The following VPS13D variants were observed in gnomAD, a reference collection of about 807,000 sequenced individuals.
VPS13D encodes vacuolar protein sorting 13 homolog D.
A neutral mutation model predicts 461.9 loss-of-function variants in VPS13D; 187 were observed. The ratio of observed to expected loss-of-function variants is 0.40; its 90% CI spans 0.36 to 0.46. VPS13D has a LOEUF of 0.46. Among genes scored for constraint, VPS13D ranks in the 20% least tolerant of loss-of-function variants. The pLI, the probability that VPS13D is intolerant of heterozygous loss-of-function variation, is 0.60. For missense variants in VPS13D, 4,711 were observed against 5,364.9 expected (o/e 0.88, Z 3.81); for synonymous variants, 1,951 against 1,986.3 (o/e 0.98, Z 0.47).
At position 12,306,907 on chromosome 1, in the gene VPS13D, A is replaced by G. The variant is rs570480068; in HGVS notation, c.6440-1524A>G. Among the ~76,000 whole-genome samples, 129 of 152,296 alleles carry G rather than the reference A, an allele frequency of 8.5e-4. 2 individuals are homozygous for G. The highest frequency in any genetic ancestry group is 3.0e-3 in the African/African-American group (125 of 41,568). On this transcript the variant is annotated intron_variant, in intron 26 of 69. Transcript: ENST00000620676. The stretch of plus-strand genomic sequence containing the variant: ...CAATGAAAATCTAATCCCACCGCTG[A>G]TCTGACAGTAGGCAGAGCTCAGGTG...
intron 39 of VPS13D, 151 bp from the exon 40 acceptor site, chr1:12,338,080 G>A: frequency 1.5e-6 from 1 of 651,516 alleles, no homozygotes; most frequent in South Asian, 1.9e-5. Context: ...CATTCGTAGT[G>A]CTTAGTAATC....
At chr1:12,302,832 C>CG (rs1310977485) in intron 25 of VPS13D, among the ~76,000 whole-genome samples, 2 of 121,134 alleles carry the variant, frequency 1.7e-5, no homozygotes, top group African/African-American at 6.1e-5. Flanking sequence ...AAAAGAATTC[C>CG]TTTTTTTTTT....
rs973732495 is a variant in VPS13D at position 12,258,212 on chromosome 1, G to C, written c.1110+109G>C. Reference sequence around the variant, plus strand: ...GAAGTAATAAAGTCCCATGCCAAAGGGGCTAAATTTTATAGGATAGAGTTG... The same window carrying C: ...GAAGTAATAAAGTCCCATGCCAAAGCGGCTAAATTTTATAGGATAGAGTTG... On this transcript the variant is annotated intron_variant, in intron 10 of 69. Transcript: ENST00000620676. 10 of 1,360,550 alleles carry C rather than the reference G, an allele frequency of 7.3e-6. No homozygotes were observed. The African/African-American group carries it at 1.3e-4, about 18-fold the overall frequency. The allele number at this position is 1,360,550 out of a possible 1,614,324, so 84.3% of individuals were successfully genotyped here.
intron 35 of VPS13D, among the ~76,000 whole-genome samples, chr1:12,325,968 CTTGAT>C (rs1429467906): frequency 7.1e-6 from 1 of 140,080 alleles, no homozygotes; most frequent in Non-Finnish European, 1.5e-5. Flanking sequence ...AGGCTCTTTA[CTTGAT>C]TTCTTTTTTT....
chr1:12,283,978 A>G (rs1031566042), intron 21 of VPS13D, among the ~76,000 whole-genome samples: 3 of 152,198 alleles, frequency 2.0e-5, no homozygotes, highest in African/African-American at 4.8e-5. Flanking sequence ...TTTGAGCTCT[A>G]TAATTCAGTG....
intron 10 of VPS13D, among the ~76,000 whole-genome samples, chr1:12,258,688 G>A (rs1245851779): frequency 6.6e-6 from 1 of 152,224 alleles, no homozygotes; most frequent in Non-Finnish European, 1.5e-5. Flanking sequence ...AGGTATTGGG[G>A]ATTGCTTTGC....
At chr1:12,437,373 A>G (rs1645075631) in intron 65 of VPS13D, among the ~76,000 whole-genome samples, 1 of 152,202 alleles carries the variant, frequency 6.6e-6, no homozygotes, top group Non-Finnish European at 1.5e-5. Context: ...GGACGAAAGG[A>G]GGGAGGGGGG....
At chr1:12,234,441 C>T in intron 2 of VPS13D, 78 bp downstream of exon 2, 1 of 1,205,740 alleles carries the variant, frequency 8.3e-7, no homozygotes, top group African/African-American at 1.5e-5. Flanking sequence ...TCCTGAGAAT[C>T]ATAAAACCTA....
intron 23 of VPS13D, among the ~76,000 whole-genome samples, chr1:12,293,088 A>G (rs571188975): frequency 6.6e-6 from 1 of 152,364 alleles, no homozygotes; most frequent in Non-Finnish European, 1.5e-5. Flanking sequence ...GACTAAGTAA[A>G]AAGATGTCTT....
rs915499110 is a variant in VPS13D, at chr1:12,276,167, G to A, written c.2579G>A (p.Arg860His). The change falls in exon 19 of 70, where the codon CGT becomes CAT. Residue 860 changes from arginine (R) to histidine (H), a missense_variant. By Grantham distance (29) the Arg-to-His change is conservative. Transcript: ENST00000620676. The surrounding 1 kb of genome is among the most constrained non-coding windows in gnomAD (Gnocchi z 4.5). ...EKFNVHLQLE[R>H]RLIYTSDPKY... ...TTCAACGTTCACCTACAGTTAGAGC[G>A]TCGATTGATTTATACTTCAGATCCC... The A allele has an allele frequency of 5.0e-6, 8 of 1,614,154 alleles. No individual in the cohort carries two copies. The highest frequency in any genetic ancestry group is 4.0e-5 in the African/African-American group (3 of 75,036).
At chr1:12,428,124 G>A (rs1644945026) in intron 65 of VPS13D, among the ~76,000 whole-genome samples, 1 of 152,212 alleles carries the variant, frequency 6.6e-6, no homozygotes, top group African/African-American at 2.4e-5. Context: ...TGTTGGGGAT[G>A]AGGGAGAATC....
At chr1:12,420,858 G>C (rs1644853945) in intron 65 of VPS13D, among the ~76,000 whole-genome samples, 1 of 152,174 alleles carries the variant, frequency 6.6e-6, no homozygotes, top group Non-Finnish European at 1.5e-5. Flanking sequence ...GAAACCCAGT[G>C]AGGAGTTAAA....
chr1:12,390,996 G>T (rs1644418411), intron 60 of VPS13D, among the ~76,000 whole-genome samples: 1 of 152,192 alleles, frequency 6.6e-6, no homozygotes, highest in Non-Finnish European at 1.5e-5. Context: ...AGTATCTTCA[G>T]TTTTTGACCA....
At chr1:12,374,927 G>A (rs995996065) in intron 55 of VPS13D, among the ~76,000 whole-genome samples, 4 of 152,110 alleles carry the variant, frequency 2.6e-5, no homozygotes, top group Non-Finnish European at 5.9e-5. Flanking sequence ...TAGTAGAGAC[G>A]GGGTTTCGCC....
chr1:12,249,388 A>T lies in VPS13D; in HGVS notation c.564+49A>T, dbSNP rs774541156. The T allele has an allele frequency of 2.0e-6, 3 of 1,478,918 alleles. No individual in the cohort carries two copies. The African/African-American group carries it at 4.2e-5, about 21-fold the overall frequency. The allele number at this position is 1,478,918 out of a possible 1,614,324, so 91.6% of individuals were successfully genotyped here. ...AGCAGGAAGAAAGCCATGCTCTAGGAATCTGGGGCTCTGCCTTTTGCCATT... is the reference window on the plus strand; with the variant it reads ...AGCAGGAAGAAAGCCATGCTCTAGGTATCTGGGGCTCTGCCTTTTGCCATT... On this transcript the variant is annotated intron_variant, in intron 6 of 69. Transcript: ENST00000620676.
At position 12,403,952 on chromosome 1, in the gene VPS13D, C is replaced by G; in HGVS notation, c.12009C>G (p.Asn4003Lys). ...TCAAGCTAAGTGTGTTCACCTCCAA[C>G]AAGCTCCCATTGGATCTTAAGGTGA... ...PQIKLSVFTSNKLPLDLKALK... is the reference protein window; with the variant it reads ...PQIKLSVFTSKKLPLDLKALK... The change falls in exon 63 of 70, where the codon AAC (asparagine) becomes AAG (lysine). Residue 4003 changes from asparagine to lysine, a missense_variant. Asn to Lys is a moderately conservative substitution (Grantham distance 94). Coordinates refer to ENST00000620676, the MANE Select transcript of VPS13D (RefSeq NM_015378.4). 6.2e-7 allele frequency: 1 copy of G among 1,603,240 alleles called. No homozygotes were observed. Among genetic ancestry groups the G allele is most frequent in the Non-Finnish European group, 8.5e-7 (1 of 1,177,230 alleles).
chr1:12,403,544 A>T (rs530757552), intron 62 of VPS13D, among the ~76,000 whole-genome samples: 1 of 152,344 alleles, frequency 6.6e-6, no homozygotes, highest in South Asian at 2.1e-4. Flanking sequence ...TGGCTTTTCC[A>T]TCTGGATGAT....
At chr1:12,316,722 T>A (rs17037979) in intron 30 of VPS13D, among the ~76,000 whole-genome samples, 1 of 152,152 alleles carries the variant, frequency 6.6e-6, no homozygotes, top group Non-Finnish European at 1.5e-5. Context: ...ATACCTTTTA[T>A]GTCAGGGAAC....
chr1:12,233,808 G>A (rs776824721), intron 1 of VPS13D, among the ~76,000 whole-genome samples: 2 of 152,178 alleles, frequency 1.3e-5, no homozygotes, highest in African/African-American at 2.4e-5. Context: ...AGCACTTTGG[G>A]TGGCTGAGGC....
Sources: allele counts gnomAD v4.1 joint callset (sites outside exome capture counted in the v4.1 genomes callset), GRCh38; gene constraint gnomAD v4.1.1; non-coding constraint Gnocchi (gnomAD v3.1); transcripts MANE v1.5; gene names NCBI Gene and HGNC (gene_info 2026-07-23, HGNC 2026-07-21).